The following HSD17B12 variants were observed in gnomAD, a reference collection of about 807,000 sequenced individuals.
HSD17B12 encodes very-long-chain 3-oxoacyl-CoA reductase.
Under a neutral mutation model 39.3 loss-of-function variants are expected in HSD17B12, and 32 were observed. The ratio of observed to expected loss-of-function variants is 0.81; its 90% confidence interval spans 0.61 to 1.09. The LOEUF (loss-of-function observed/expected upper bound fraction) is 1.09, where lower values mean the gene tolerates loss of function less well. HSD17B12 is among the 50% of genes least tolerant of loss of function. The probability of loss-of-function intolerance (pLI) is 0.00; values close to 1 mark genes in which losing one functional copy is unlikely to be tolerated. For synonymous variants in HSD17B12, 150 were observed against 146.7 expected (o/e 1.02, Z -0.16); for missense variants, 342 against 382.9 (o/e 0.89, Z 0.89).
chr11:43,676,791 G>A (rs960546221), upstream of HSD17B12, among the ~76,000 whole-genome samples: 1 of 152,160 alleles, frequency 6.6e-6, no homozygotes, highest in Non-Finnish European at 1.5e-5. Flanking sequence ...ATTCTAGTGG[G>A]GGCCACAGAC....
chr11:43,652,820 A>G, the HSD17B12 span, among the ~76,000 whole-genome samples: 1 of 152,114 alleles, frequency 6.6e-6, no homozygotes, highest in Admixed American at 6.6e-5. Context: ...TGGGTCTTCT[A>G]TGGAGACTTC....
the HSD17B12 span, among the ~76,000 whole-genome samples, chr11:43,581,835 GAA>G: frequency 6.6e-6 from 1 of 152,236 alleles, no homozygotes. This position sits in a 1 kb window ranked among gnomAD's most constrained non-coding sequence, Gnocchi z 4.9. Flanking sequence ...TCAATGCAAA[GAA>G]AAGGATCTGA....
chr11:43,718,789 G>T (rs1036882700), intron 1 of HSD17B12: 10 of 1,008,488 alleles, frequency 9.9e-6, no homozygotes, highest in South Asian at 1.3e-5. Context: ...ACAAAAAAAA[G>T]AAGACCCGCA....
chr11:43,589,020 A>C, the HSD17B12 span, among the ~76,000 whole-genome samples: 13 of 151,954 alleles, frequency 8.6e-5, no homozygotes, highest in Admixed American at 2.6e-4. Flanking sequence ...GATGGGGAGA[A>C]AAAGCAATTC....
the HSD17B12 span, among the ~76,000 whole-genome samples, chr11:43,601,747 CCT>C: frequency 1.3e-5 from 2 of 152,170 alleles, no homozygotes; most frequent in African/African-American, 2.4e-5. Flanking sequence ...TTGAATACTT[CCT>C]CTGTTTCTTT....
chr11:43,744,214 A>G (rs569159970), intron 1 of HSD17B12, among the ~76,000 whole-genome samples: 3 of 152,324 alleles, frequency 2.0e-5, no homozygotes, highest in South Asian at 4.1e-4. Flanking sequence ...AATTAACATA[A>G]GAAACTTTTC....
At chr11:43,740,883 G>T (rs1233341796) in intron 1 of HSD17B12, among the ~76,000 whole-genome samples, 1 of 152,264 alleles carries the variant, frequency 6.6e-6, no homozygotes, top group Non-Finnish European at 1.5e-5. Context: ...GGAAGAATGG[G>T]TATTAAGGAA....
intron 4 of HSD17B12, among the ~76,000 whole-genome samples, chr11:43,800,350 T>C (rs1950954796): frequency 6.6e-6 from 1 of 152,264 alleles, no homozygotes; most frequent in East Asian, 1.9e-4. Flanking sequence ...GCTTGTGCTC[T>C]TAGAGAATGA....
At chr11:43,729,893 G>A (rs1247002580) in intron 1 of HSD17B12, among the ~76,000 whole-genome samples, 1 of 152,212 alleles carries the variant, frequency 6.6e-6, no homozygotes, top group Non-Finnish European at 1.5e-5. Context: ...CTGTGGGAGA[G>A]AAGGTAAAAA....
intron 2 of HSD17B12, among the ~76,000 whole-genome samples, chr11:43,751,527 C>G (rs1950464696): frequency 1.3e-5 from 2 of 152,178 alleles, no homozygotes; most frequent in Non-Finnish European, 2.9e-5. Context: ...AAGGCACCTA[C>G]AGCCTATGAT....
At chr11:43,828,604 T>C (rs977093318) in intron 6 of HSD17B12, among the ~76,000 whole-genome samples, 1 of 151,978 alleles carries the variant, frequency 6.6e-6, no homozygotes, top group Non-Finnish European at 1.5e-5. Context: ...TTTAGAAGTG[T>C]GTTAAGAGGA....
At chr11:43,685,855 A>G (rs1438086384) in intron 1 of HSD17B12, among the ~76,000 whole-genome samples, 4 of 152,206 alleles carry the variant, frequency 2.6e-5, no homozygotes, top group Admixed American at 2.6e-4. Context: ...TTTAAGAACA[A>G]TCTCAGACCA....
At chr11:43,717,360 C>T (rs1344523684) in intron 1 of HSD17B12, among the ~76,000 whole-genome samples, 5 of 152,104 alleles carry the variant, frequency 3.3e-5, no homozygotes, top group Non-Finnish European at 7.3e-5. Flanking sequence ...ATGCTTAAAC[C>T]ATATTAGAAA....
chr11:43,564,596 C>T, the HSD17B12 span, among the ~76,000 whole-genome samples: 422 of 152,278 alleles, frequency 2.8e-3, 1 homozygote, highest in Non-Finnish European at 3.3e-3. Context: ...TGCATTCCTA[C>T]CAGGGCTTGG....
chr11:43,778,927 TC>T (rs1950737889), intron 3 of HSD17B12, among the ~76,000 whole-genome samples: 1 of 152,216 alleles, frequency 6.6e-6, no homozygotes, highest in Non-Finnish European at 1.5e-5. Context: ...ATTTATAATC[TC>T]TTAGGAATAA....
rs1189455163 is a variant in HSD17B12 at position 43,854,984 on chromosome 11, A to G, written c.834+120A>G. The G allele has an allele frequency of 7.0e-6, 8 of 1,141,516 alleles. No individual in the cohort carries two copies. In the African/African-American group the frequency reaches 9.5e-5, roughly 13 times the overall value. The allele number at this position is 1,141,516 out of a possible 1,614,324, so 70.7% of individuals were successfully genotyped here. On this transcript the variant is annotated intron_variant, in intron 10 of 10. Transcript: ENST00000278353. Reference sequence around the variant, plus strand: ...TACATTGTCCAGCCATAGTAACAAGATATCTATATCTTGTTATAATTATAA... The same window carrying G: ...TACATTGTCCAGCCATAGTAACAAGGTATCTATATCTTGTTATAATTATAA...
At chr11:43,635,063 T>A in the HSD17B12 span, among the ~76,000 whole-genome samples, 20 of 152,168 alleles carry the variant, frequency 1.3e-4, no homozygotes, top group Admixed American at 1.2e-3. Context: ...TTTAAAGTTA[T>A]CTCAGCAAAT....
At chr11:43,802,519 C>T (rs1335955385) in intron 4 of HSD17B12, among the ~76,000 whole-genome samples, 1 of 152,086 alleles carries the variant, frequency 6.6e-6, no homozygotes, top group Non-Finnish European at 1.5e-5. Context: ...TATTTGACAT[C>T]TCAACTCTAG....
At chr11:43,667,420 G>A in the HSD17B12 span, among the ~76,000 whole-genome samples, 1 of 152,126 alleles carries the variant, frequency 6.6e-6, no homozygotes, top group African/African-American at 2.4e-5. Flanking sequence ...CCAAAATGCT[G>A]GGATGAACCA....
Sources: allele counts gnomAD v4.1 joint callset (sites outside exome capture counted in the v4.1 genomes callset), GRCh38; gene constraint gnomAD v4.1.1; non-coding constraint Gnocchi (gnomAD v3.1); transcripts MANE v1.5; gene names NCBI Gene and HGNC (gene_info 2026-07-23, HGNC 2026-07-21).